The following B3GLCT variants were observed in gnomAD, a reference collection of about 807,000 sequenced individuals.
B3GLCT encodes the protein beta 3-glucosyltransferase.
A neutral mutation model predicts 63.4 loss-of-function variants in B3GLCT; 65 were observed. That is an observed-to-expected ratio of 1.03 (90% CI 0.84 to 1.26). The LOEUF is 1.26. Ranked by LOEUF, B3GLCT falls within the 50% of genes most tolerant of loss-of-function variation. The probability of loss-of-function intolerance (pLI) is 0.00; values close to 1 mark genes in which losing one functional copy is unlikely to be tolerated. For synonymous variants in B3GLCT, 233 were observed against 219.2 expected, an observed-to-expected ratio of 1.06 and a Z score of -0.55; for missense variants, 577 against 604.8, an observed-to-expected ratio of 0.95 and a Z score of 0.48.
chr13:31,295,359 T>A (rs1195206044), intron 12 of B3GLCT, among the ~76,000 whole-genome samples: 1 of 152,200 alleles, frequency 6.6e-6, no homozygotes, highest in Non-Finnish European at 1.5e-5. Context: ...GGAGATCCAC[T>A]GCTCTCTTCA....
intron 6 of B3GLCT, among the ~76,000 whole-genome samples, chr13:31,249,545 G>A (rs997847991): frequency 6.6e-6 from 1 of 152,160 alleles, no homozygotes; most frequent in Non-Finnish European, 1.5e-5. Flanking sequence ...TTCACCTGGA[G>A]GTTATTTTTC....
At chr13:31,301,803 A>G (rs909745005) in intron 12 of B3GLCT, among the ~76,000 whole-genome samples, 1 of 152,220 alleles carries the variant, frequency 6.6e-6, no homozygotes, top group African/African-American at 2.4e-5. Context: ...GGGCCCTTAA[A>G]TGTTGAGAGA....
intron 10 of B3GLCT, among the ~76,000 whole-genome samples, chr13:31,277,710 A>T (rs1262572062): frequency 6.6e-6 from 1 of 152,174 alleles, no homozygotes. Flanking sequence ...ATAAAATAAT[A>T]TTATAATTTG....
chr13:31,294,385 G>C (rs990447793), intron 12 of B3GLCT, among the ~76,000 whole-genome samples: 70 of 152,154 alleles, frequency 4.6e-4, no homozygotes, highest in African/African-American at 1.7e-3. Flanking sequence ...AGTTCTCTTG[G>C]ATAATATCCT....
intron 1 of B3GLCT, among the ~76,000 whole-genome samples, chr13:31,206,813 T>C (rs1363126428): frequency 3.3e-5 from 5 of 152,036 alleles, no homozygotes; most frequent in Admixed American, 2.6e-4. Flanking sequence ...GAGAGCAAAG[T>C]GTGGCATTGA....
intron 9 of B3GLCT, among the ~76,000 whole-genome samples, chr13:31,276,461 A>G (rs1452048708): frequency 6.6e-6 from 1 of 152,182 alleles, no homozygotes; most frequent in Non-Finnish European, 1.5e-5. Context: ...AATTCTGGAA[A>G]CTTGTTAAGG....
At chr13:31,200,491 A>C (rs1411539508) in intron 1 of B3GLCT, among the ~76,000 whole-genome samples, 1 of 149,474 alleles carries the variant, frequency 6.7e-6, no homozygotes, top group Non-Finnish European at 1.5e-5. Flanking sequence ...AGCCGCCCCC[A>C]CAGGAAGCGC....
chr13:31,320,024 A>G (rs1474976875), intron 13 of B3GLCT, among the ~76,000 whole-genome samples: 2 of 152,068 alleles, frequency 1.3e-5, no homozygotes, highest in Non-Finnish European at 2.9e-5. Flanking sequence ...ACCTCCAGTA[A>G]TCTCAGCCAG....
intron 4 of B3GLCT, among the ~76,000 whole-genome samples, chr13:31,240,142 A>G (rs1054791605): frequency 1.3e-5 from 2 of 152,188 alleles, no homozygotes; most frequent in African/African-American, 4.8e-5. Context: ...CCTCTCTAAA[A>G]AAAAATCAGA....
chr13:31,277,579 G>A (rs1872859584), intron 10 of B3GLCT, among the ~76,000 whole-genome samples: 1 of 152,134 alleles, frequency 6.6e-6, no homozygotes, highest in African/African-American at 2.4e-5. Context: ...TTATGTAGGA[G>A]AGATTTCTAA....
chr13:31,296,702 CAT>C (rs762803917), intron 12 of B3GLCT, among the ~76,000 whole-genome samples: 400 of 19,022 alleles, frequency 0.021, 2 homozygotes, highest in Non-Finnish European at 0.13. Context: ...AATTATGTAA[CAT>C]TTTTTTTTTA....
intron 1 of B3GLCT, among the ~76,000 whole-genome samples, chr13:31,212,874 A>G (rs1175232000): frequency 1.3e-5 from 2 of 152,220 alleles, no homozygotes; most frequent in African/African-American, 4.8e-5. Flanking sequence ...TGTTTTTGAT[A>G]TCTTCTTCAG....
At chr13:31,328,318 A>G (rs1400518937) in intron 14 of B3GLCT, among the ~76,000 whole-genome samples, 1 of 152,222 alleles carries the variant, frequency 6.6e-6, no homozygotes, top group African/African-American at 2.4e-5. Context: ...ATCTAGTTTT[A>G]GTAGTCAAGA....
intron 13 of B3GLCT, among the ~76,000 whole-genome samples, chr13:31,320,672 G>A (rs1195579486): frequency 6.6e-6 from 1 of 152,180 alleles, no homozygotes; most frequent in Non-Finnish European, 1.5e-5. Flanking sequence ...TGCACTCCAA[G>A]GCTTATAAGA....
chr13:31,302,171 T>C (rs932260580), intron 12 of B3GLCT, among the ~76,000 whole-genome samples: 12 of 152,234 alleles, frequency 7.9e-5, no homozygotes, highest in African/African-American at 1.2e-4. Flanking sequence ...TTGATAAGGC[T>C]TCTGGAACTG....
At chr13:31,286,385 T>C (rs928900903) in intron 11 of B3GLCT, among the ~76,000 whole-genome samples, 2 of 152,236 alleles carry the variant, frequency 1.3e-5, no homozygotes, top group African/African-American at 4.8e-5. Context: ...CCATTGCTCA[T>C]TGCTGTGAGT....
intron 12 of B3GLCT, among the ~76,000 whole-genome samples, chr13:31,306,656 A>G (rs1874415059): frequency 4.0e-5 from 1 of 24,830 alleles, no homozygotes; most frequent in Non-Finnish European, 1.2e-4. Flanking sequence ...GAGAACTACA[A>G]ACCACTGCTC....
At chr13:31,246,946 C>CTTTTTTTTTT in intron 4 of B3GLCT, 77 bp from the exon 5 acceptor site, 1 of 1,011,084 alleles carries the variant, frequency 9.9e-7, no homozygotes, top group Admixed American at 2.7e-5. Context: ...CTTTTCTTTT[C>CTTTTTTTTTT]TTTTCTTTTT....
chr13:31,285,850 C>A (rs116405625), intron 11 of B3GLCT, among the ~76,000 whole-genome samples: 2 of 151,924 alleles, frequency 1.3e-5, no homozygotes. Flanking sequence ...TTTACTTATA[C>A]CTTATTTGAT....
Sources: allele counts gnomAD v4.1 joint callset (sites outside exome capture counted in the v4.1 genomes callset), GRCh38; gene constraint gnomAD v4.1.1; transcripts MANE v1.5; gene names NCBI Gene and HGNC (gene_info 2026-07-23, HGNC 2026-07-21).